PTPRA: variants seen among roughly 807,000 people sequenced by gnomAD.
PTPRA encodes the protein protein tyrosine phosphatase receptor type A.
Under a neutral mutation model 104.8 loss-of-function variants are expected in PTPRA, and 25 were observed. That is an observed-to-expected ratio of 0.24 (90% CI 0.17 to 0.33). The LOEUF is 0.33. PTPRA is among the 10% of genes least tolerant of loss of function. PTPRA has a pLI of 1.00. For synonymous variants in PTPRA, 323 were observed against 368.9 expected, an observed-to-expected ratio of 0.88 and a Z score of 1.43; for missense variants, 765 against 1,015.3, an observed-to-expected ratio of 0.75 and a Z score of 3.35.
chr20:2,934,222 A>T (rs1405900082), intron 2 of PTPRA, among the ~76,000 whole-genome samples: 2 of 152,086 alleles, frequency 1.3e-5, no homozygotes, highest in African/African-American at 2.4e-5. Context: ...GTCCCACCTC[A>T]GCCTCTCAAG....
rs377116843 is a variant in PTPRA at position 3,010,604 on chromosome 20, G to A, written c.906+3184G>A. Reference sequence around the variant, plus strand: ...GATCACGCCACCGCACTCCAGCCTGGGCGACAGAGCGAGACTCTGTCTCAA... The same window carrying A: ...GATCACGCCACCGCACTCCAGCCTGAGCGACAGAGCGAGACTCTGTCTCAA... On this transcript the variant is annotated intron_variant, in intron 11 of 23. Coordinates refer to ENST00000399903, the MANE Select transcript of PTPRA (RefSeq NM_001385305.1). Among the ~76,000 whole-genome samples, 9 of 151,918 alleles carry A rather than the reference G, an allele frequency of 5.9e-5. No individual in the cohort carries two copies. The East Asian group carries it at 1.2e-3, about 20-fold the overall frequency.
At chr20:2,911,455 C>T (rs1224925406) in intron 1 of PTPRA, among the ~76,000 whole-genome samples, 1 of 152,280 alleles carries the variant, frequency 6.6e-6, no homozygotes, top group South Asian at 2.1e-4. Context: ...CTATGTGAAG[C>T]ATGCTGTCAT....
At chr20:2,977,068 G>A (rs2148040827) in intron 6 of PTPRA, among the ~76,000 whole-genome samples, 1 of 152,124 alleles carries the variant, frequency 6.6e-6, no homozygotes, top group South Asian at 2.1e-4. Flanking sequence ...ACAAGGTCAG[G>A]AGTTCAAGAC....
At chr20:2,928,447 G>A (rs2060387626) in intron 2 of PTPRA, among the ~76,000 whole-genome samples, 1 of 152,120 alleles carries the variant, frequency 6.6e-6, no homozygotes, top group Non-Finnish European at 1.5e-5. Flanking sequence ...TGGAGTGATG[G>A]TTTGGTTGAC....
At position 3,035,589 on chromosome 20, in the gene PTPRA, A is replaced by G; in HGVS notation, c.1925A>G (p.Lys642Arg). Residue 642 changes from lysine to arginine, a missense_variant, in exon 21 of 24, where the codon AAG (lysine) becomes AGG (arginine). Transcript: ENST00000399903. The surrounding 1 kb of genome is among the most constrained non-coding windows in gnomAD (Gnocchi z 5.8). ...CTCTCCAACCTGTCTCTCCAGGAGA[A>G]GTGTGCCCAGTACTGGCCATCTGAT... is the stretch of plus-strand genomic sequence containing the variant. ...LTELEERGQE[K>R]CAQYWPSDGL... is the part of the protein sequence containing the mutation. 1 of 1,610,870 alleles carries G rather than the reference A, an allele frequency of 6.2e-7. No individual in the cohort carries two copies. Among genetic ancestry groups the G allele is most frequent in the South Asian group, 1.1e-5 (1 of 90,980 alleles).
intron 3 of PTPRA, among the ~76,000 whole-genome samples, chr20:2,954,077 CTTTTTTTTTT>C (rs35144002): frequency 9.7e-6 from 1 of 102,612 alleles, no homozygotes; most frequent in Non-Finnish European, 1.9e-5. Context: ...ACCCGGCTAA[CTTTTTTTTTT>C]TTTTTTTTTT....
intron 5 of PTPRA, among the ~76,000 whole-genome samples, chr20:2,968,902 G>A (rs1360062131): frequency 6.6e-6 from 1 of 151,400 alleles, no homozygotes; most frequent in Non-Finnish European, 1.5e-5. Context: ...GCAACAGAGG[G>A]AGACCTCATC....
rs896194457 is a variant in PTPRA, at chr20:3,022,943, G to A, written c.1464+119G>A. The stretch of plus-strand genomic sequence containing the variant: ...AATGATTACTATAGAGTGTGATTGT[G>A]GGGGAAAGAAAGATAGATCACACTG... On this transcript the variant is annotated intron_variant, in intron 16 of 23. Coordinates refer to ENST00000399903, the MANE Select transcript of PTPRA (RefSeq NM_001385305.1). The surrounding 1 kb of genome is among the most constrained non-coding windows in gnomAD (Gnocchi z 4.6). 5 of 1,460,590 alleles carry A rather than the reference G, an allele frequency of 3.4e-6. No individual in the cohort carries two copies. The highest frequency in any genetic ancestry group is 4.6e-6 in the Non-Finnish European group (5 of 1,083,760). The allele number at this position is 1,460,590 out of a possible 1,614,324, so 90.5% of individuals were successfully genotyped here.
intron 6 of PTPRA, among the ~76,000 whole-genome samples, chr20:2,984,665 T>A (rs1218262661): frequency 6.6e-6 from 1 of 152,186 alleles, no homozygotes; most frequent in Non-Finnish European, 1.5e-5. Context: ...CAGAATTAAA[T>A]CCACAATCAT....
chr20:3,035,489 G>A lies in PTPRA; in HGVS notation c.1921-96G>A, dbSNP rs940892108. 7.2e-7 allele frequency: 1 copy of A among 1,393,196 alleles called. No homozygotes were observed. The highest frequency in any genetic ancestry group is 2.3e-5 in the East Asian group (1 of 43,482). 86.3% of individuals were successfully genotyped at this position (1,393,196 alleles called of 1,614,324 possible). On this transcript the variant is annotated intron_variant, in intron 20 of 23. Transcript: ENST00000399903. The surrounding 1 kb of genome is among the most constrained non-coding windows in gnomAD (Gnocchi z 5.8). Reference sequence around the variant, plus strand: ...GGGACGAAGCGTATCAGCGTAAGAGGTGGCTGTACTGAGAGGGGTCAGGCT... The same window carrying A: ...GGGACGAAGCGTATCAGCGTAAGAGATGGCTGTACTGAGAGGGGTCAGGCT...
Position 3,027,236 on chromosome 20 carries a change from G to A in PTPRA, c.1785+39G>A, listed in dbSNP as rs376731554. On this transcript the variant is annotated intron_variant, in intron 19 of 23. Coordinates refer to ENST00000399903, the MANE Select transcript of PTPRA (RefSeq NM_001385305.1). Reference sequence around the variant, plus strand: ...GTGACCCCTGAGCCCCCAACACCCCGTGGAGATTCAGCCAGCACTTGCAGT... The same window carrying A: ...GTGACCCCTGAGCCCCCAACACCCCATGGAGATTCAGCCAGCACTTGCAGT... 6.9e-5 allele frequency: 110 copies of A among 1,589,016 alleles called. No individual in the cohort carries two copies. In the South Asian group the frequency reaches 8.2e-4, roughly 12 times the overall value.
At chr20:2,865,456 G>A in the PTPRA span, 14 of 1,614,010 alleles carry the variant, frequency 8.7e-6, no homozygotes, top group African/African-American at 1.2e-4. This position sits in a 1 kb window ranked among gnomAD's most constrained non-coding sequence, Gnocchi z 5.2. Context: ...AAGAGCTAGA[G>A]AAGTTTTCCA....
chr20:3,000,517 C>A (rs945188107), intron 9 of PTPRA, among the ~76,000 whole-genome samples: 1 of 152,112 alleles, frequency 6.6e-6, no homozygotes, highest in Non-Finnish European at 1.5e-5. Context: ...CTTTGAAAAA[C>A]AATTTGGCCT....
intron 3 of PTPRA, among the ~76,000 whole-genome samples, chr20:2,956,532 A>G (rs1036915379): frequency 3.3e-5 from 5 of 152,154 alleles, no homozygotes; most frequent in African/African-American, 1.2e-4. Flanking sequence ...CAAGCTTCCA[A>G]GTCATCTCAG....
At chr20:2,966,162 C>A (rs547806401) in intron 5 of PTPRA, among the ~76,000 whole-genome samples, 1 of 152,290 alleles carries the variant, frequency 6.6e-6, no homozygotes, top group South Asian at 2.1e-4. Flanking sequence ...AGACCCTTCA[C>A]CTGCCAGCTT....
chr20:2,886,418 A>G (rs570276066), intron 1 of PTPRA, among the ~76,000 whole-genome samples: 2 of 152,302 alleles, frequency 1.3e-5, no homozygotes, highest in South Asian at 2.1e-4. Flanking sequence ...GAAGCTGGAT[A>G]ATAGGTATAT....
chr20:3,000,634 A>T (rs866223377), intron 9 of PTPRA, among the ~76,000 whole-genome samples: 1 of 152,192 alleles, frequency 6.6e-6, no homozygotes, highest in Non-Finnish European at 1.5e-5. Context: ...AACAACCCAA[A>T]TATTCATCAG....
chr20:3,002,921 G>T (rs964209081), intron 9 of PTPRA, among the ~76,000 whole-genome samples: 2 of 152,008 alleles, frequency 1.3e-5, no homozygotes, highest in Non-Finnish European at 2.9e-5. Flanking sequence ...CACCTTCTGC[G>T]TGATACCTGC....
intron 2 of PTPRA, among the ~76,000 whole-genome samples, chr20:2,934,547 C>T (rs1378230495): frequency 6.6e-6 from 1 of 152,056 alleles, no homozygotes; most frequent in South Asian, 2.1e-4. Context: ...CTAGACTACA[C>T]TCACCTATTT....
Sources: allele counts gnomAD v4.1 joint callset (sites outside exome capture counted in the v4.1 genomes callset), GRCh38; gene constraint gnomAD v4.1.1; non-coding constraint Gnocchi (gnomAD v3.1); transcripts MANE v1.5; gene names NCBI Gene and HGNC (gene_info 2026-07-23, HGNC 2026-07-21).